The following MINK1 variants were observed in gnomAD, a reference collection of about 807,000 sequenced individuals.
MINK1 encodes misshapen like kinase 1.
In MINK1, 46 loss-of-function variants were observed where a neutral mutation model predicts 178.4. The ratio of observed to expected loss-of-function variants is 0.26; its 90% CI spans 0.20 to 0.33. MINK1 has a LOEUF of 0.33. Among genes scored for constraint, MINK1 ranks in the 10% least tolerant of loss-of-function variants. The pLI is 1.00. For synonymous variants in MINK1, 797 were observed against 709.7 expected (o/e 1.12, Z -1.96); for missense variants, 1,366 against 1,814.9 (o/e 0.75, Z 4.49).
intron 1 of MINK1, among the ~76,000 whole-genome samples, chr17:4,874,229 A>G (rs188819232): frequency 1.2e-4 from 18 of 152,322 alleles, no homozygotes; most frequent in East Asian, 3.9e-4. Context: ...GAGTTATTAC[A>G]TAGTTTGTGC....
At chr17:4,883,662 G>A (rs1011802378) in intron 4 of MINK1, among the ~76,000 whole-genome samples, 2 of 149,970 alleles carry the variant, frequency 1.3e-5, no homozygotes, top group African/African-American at 4.9e-5. Flanking sequence ...CTCCCAAGTA[G>A]CTGGGACTAC....
chr17:4,855,412 G>A (rs1387085274), intron 1 of MINK1, among the ~76,000 whole-genome samples: 4 of 149,532 alleles, frequency 2.7e-5, no homozygotes, highest in Non-Finnish European at 3.0e-5. Flanking sequence ...CGTGAACCTC[G>A]GAGGTGGAGC....
In MINK1 at chr17:4,895,037, C is replaced by T. The variant is rs764340499; in HGVS notation, c.2918-38C>T. 3.7e-6 allele frequency: 6 copies of T among 1,607,240 alleles called. No individual in the cohort carries two copies. Among genetic ancestry groups the T allele is most frequent in the Non-Finnish European group, 5.1e-6 (6 of 1,176,358 alleles). On this transcript the variant is annotated intron_variant, in intron 24 of 31. Coordinates refer to ENST00000355280, the MANE Select transcript of MINK1 (RefSeq NM_153827.5). This position sits in a 1 kb window ranked among gnomAD's most constrained non-coding sequence, Gnocchi z 4.3. ...AGGTAAAAAGAGATGGGGTGAGAAG[C>T]TGCAGCCCCTCCTCCCACCTCCTCC...
rs201708201 is a variant in MINK1 at position 4,893,423 on chromosome 17, C to T, written c.2401-11C>T. The stretch of plus-strand genomic sequence containing the variant: ...GCTTCTCCCTGCCCCTCACGTGGCT[C>T]CTCCCTGCAGGACTTTGTGTTGCTG... On this transcript the variant is annotated splice_polypyrimidine_tract_variant and intron_variant, in intron 20 of 31. Transcript: ENST00000355280. 1.1e-5 allele frequency: 17 copies of T among 1,598,810 alleles called. No homozygotes were observed. Among genetic ancestry groups the T allele is most frequent in the Non-Finnish European group, 1.4e-5 (16 of 1,167,538 alleles).
intron 1 of MINK1, among the ~76,000 whole-genome samples, chr17:4,864,292 G>C (rs112477024): frequency 0.13 from 20,233 of 151,768 alleles, 1,645 homozygotes; most frequent in African/African-American, 0.23. Flanking sequence ...CCAGCTACTC[G>C]GGAGGCTGAG....
At chr17:4,851,453 CT>C (rs1911932102) in intron 1 of MINK1, among the ~76,000 whole-genome samples, 1 of 152,198 alleles carries the variant, frequency 6.6e-6, no homozygotes, top group African/African-American at 2.4e-5. Context: ...AAGCCTACCC[CT>C]GAGTTACCCT....
rs1567605304 is a variant in MINK1 at position 4,884,959 on chromosome 17, G to A, written c.465G>A (p.Lys155=). The part of the protein sequence containing the change: ...HAHKVIHRDI[K]GQNVLLTENA... The stretch of plus-strand genomic sequence containing the variant: ...ACAAGGTGATCCATCGAGACATCAA[G>A]GGGCAGAATGTGCTGCTGACAGAGA... The change falls in exon 6 of 32, where the codon AAG becomes AAA. Residue 155 remains lysine, a synonymous_variant. Transcript: ENST00000355280. 2 of 1,613,968 alleles carry A rather than the reference G, an allele frequency of 1.2e-6. No homozygotes were observed. The highest frequency in any genetic ancestry group is 4.5e-5 in the East Asian group (2 of 44,886).
rs1307101600 is a variant in MINK1 at position 4,890,733 on chromosome 17, G to A, written c.1564G>A (p.Glu522Lys). ...NPADKPAWAR[E>K]VEERTRMNKQ... ...CGCTGACAAACCAGCCTGGGCCCGA[G>A]AGGTACTCACTGCCTCCTTTGCCTC... The change falls in exon 14 of 32, where the codon GAG becomes AAG. Residue 522 changes from glutamate to lysine, a missense_variant and splice_region_variant. By Grantham distance (56) the Glu-to-Lys change is moderately conservative. This residue lies in a region of MINK1 where 709 missense variants were observed against 692.3 expected (regional missense o/e 1.02). Coordinates refer to ENST00000355280, the MANE Select transcript of MINK1 (RefSeq NM_153827.5). 6.5e-7 allele frequency: 1 copy of A among 1,545,876 alleles called. No individual in the cohort carries two copies. The highest frequency in any genetic ancestry group is 2.0e-5 in the Admixed American group (1 of 50,946).
chr17:4,891,200 G>GCGCGCACACACACACACACACA, intron 15 of MINK1, 76 bp downstream of exon 15: 1 of 1,003,382 alleles, frequency 1.0e-6, no homozygotes, highest in Non-Finnish European at 1.4e-6. Context: ...ACACACGCGC[G>GCGCGCACACACACACACACACA]CACACACACA....
At chr17:4,845,760 C>T (rs1371509927) in intron 1 of MINK1, among the ~76,000 whole-genome samples, 1 of 152,072 alleles carries the variant, frequency 6.6e-6, no homozygotes, top group African/African-American at 2.4e-5. Flanking sequence ...CTCAGCCTCC[C>T]AAGCATAATA....
intron 1 of MINK1, among the ~76,000 whole-genome samples, chr17:4,847,540 A>C (rs1387693255): frequency 6.6e-6 from 1 of 152,166 alleles, no homozygotes; most frequent in African/African-American, 2.4e-5. Context: ...TCTTCCTAAA[A>C]ATTTTTGAGT....
chr17:4,892,240 G>C lies in MINK1; in HGVS notation c.2087+6G>C. The C allele has an allele frequency of 6.4e-7, 1 of 1,569,054 alleles. No individual in the cohort carries two copies. The highest frequency in any genetic ancestry group is 8.6e-7 in the Non-Finnish European group (1 of 1,157,672). Reference sequence around the variant, plus strand: ...GCCCAGGCAGTCCGTGCCAGGTAATGCCTGGGTAGGGCAACGCCTGGGTGA... The same window carrying C: ...GCCCAGGCAGTCCGTGCCAGGTAATCCCTGGGTAGGGCAACGCCTGGGTGA... On this transcript the variant is annotated splice_donor_region_variant and intron_variant, in intron 17 of 31. Coordinates refer to ENST00000355280, the MANE Select transcript of MINK1 (RefSeq NM_153827.5).
Position 4,893,478 on chromosome 17 carries a change from G to A in MINK1, c.2445G>A (p.Arg815=). The A allele has an allele frequency of 6.3e-7, 1 of 1,595,206 alleles. No individual in the cohort carries two copies. The highest frequency in any genetic ancestry group is 8.6e-7 in the Non-Finnish European group (1 of 1,165,294). Residue 815 remains arginine (R), a synonymous_variant, in exon 21 of 32, where the codon CGG becomes CGA. Coordinates refer to ENST00000355280, the MANE Select transcript of MINK1 (RefSeq NM_153827.5). ...LKERTLDEAP[R]PPKKAMDYSS... is the part of the protein sequence containing the mutation. ...AGCGGACTCTGGACGAGGCCCCTCG[G>A]CCTCCCAAGAAGGCCATGGACTACT...
intron 4 of MINK1, 128 bp from the exon 5 acceptor site, chr17:4,884,235 C>T (rs1967994911): frequency 1.5e-6 from 1 of 688,124 alleles, no homozygotes; most frequent in South Asian, 1.8e-5. Flanking sequence ...CCCTTGCTCT[C>T]TAGCTCATAC....
chr17:4,892,631 G>C (rs752293903), intron 18 of MINK1, 25 bp from the exon 19 acceptor site: 1 of 1,582,026 alleles, frequency 6.3e-7, no homozygotes, highest in Admixed American at 1.7e-5. Flanking sequence ...GTGCCTCCCT[G>C]ACCCTGACTC....
At chr17:4,834,782 C>T (rs368797937) in intron 1 of MINK1, 1 of 520,090 alleles carries the variant, frequency 1.9e-6, no homozygotes, top group Non-Finnish European at 3.8e-6. Context: ...TCTCTAGGTT[C>T]GCTTCTCTGG....
At chr17:4,860,391 A>G (rs1913975976) in intron 1 of MINK1, among the ~76,000 whole-genome samples, 1 of 152,018 alleles carries the variant, frequency 6.6e-6, no homozygotes, top group Admixed American at 6.6e-5. Context: ...CACGCTTCCT[A>G]GGCTCTGAGT....
chr17:4,896,253 C>T lies in MINK1; in HGVS notation c.3526C>T (p.Arg1176Trp), dbSNP rs766057062. 1.4e-5 allele frequency: 23 copies of T among 1,606,388 alleles called. No individual in the cohort carries two copies. The highest frequency in any genetic ancestry group is 1.9e-5 in the Non-Finnish European group (22 of 1,176,080). ...CGACCTGACAGTAGAGGAGGGGCAG[C>T]GGCTCAAGGTCATCTATGGCTCCAG... is the stretch of plus-strand genomic sequence containing the variant. ...LVDLTVEEGQ[R>W]LKVIYGSSAG... Residue 1176 changes from arginine (R) to tryptophan (W), a missense_variant, in exon 29 of 32, where the codon CGG (arginine) becomes TGG (tryptophan). Physicochemically the swap from Arg to Trp is moderately radical, Grantham distance 101. Coordinates refer to ENST00000355280, the MANE Select transcript of MINK1 (RefSeq NM_153827.5). The surrounding 1 kb of genome is among the most constrained non-coding windows in gnomAD (Gnocchi z 4.6).
chr17:4,870,661 CAAAAAATA>C (rs1915751775), intron 1 of MINK1, among the ~76,000 whole-genome samples: 1 of 151,782 alleles, frequency 6.6e-6, no homozygotes, highest in Non-Finnish European at 1.5e-5. Flanking sequence ...CCCATCTCTA[CAAAAAATA>C]TAAAAATTAG....
Sources: gnomAD v4.1 joint callset for allele counts (sites outside exome capture counted in the v4.1 genomes callset) on GRCh38, gnomAD v4.1.1 for gene constraint, gnomAD v4.1.1 regional missense constraint, Gnocchi (gnomAD v3.1) non-coding constraint, MANE v1.5 for transcripts, NCBI Gene and HGNC (gene_info 2026-07-23, HGNC 2026-07-21) for gene names.